Variants in CSMD1 observed in about 807,000 individuals in gnomAD.
CSMD1 encodes CUB and sushi domain-containing protein 1.
A neutral mutation model predicts 417.5 loss-of-function variants in CSMD1; 213 were observed. The ratio of observed to expected loss-of-function variants is 0.51; its 90% CI spans 0.46 to 0.57. The LOEUF (loss-of-function observed/expected upper bound fraction) is 0.57. Among genes scored for constraint, CSMD1 ranks in the 20% least tolerant of loss-of-function variants. CSMD1 has a pLI of 0.00. For synonymous variants in CSMD1, 2,862 were observed against 1,736.8 expected, an observed-to-expected ratio of 1.65 and a Z score of -16.11; for missense variants, 6,923 against 4,529.7, an observed-to-expected ratio of 1.53 and a Z score of -15.17.
intron 3 of CSMD1, among the ~76,000 whole-genome samples, chr8:4,407,141 C>G: frequency 6.6e-6 from 1 of 152,130 alleles, no homozygotes; most frequent in East Asian, 1.9e-4. Context: ...AGATGAGCTG[C>G]AAAGCCAAAA....
At chr8:3,083,808 C>T (rs935371103) in intron 49 of CSMD1, among the ~76,000 whole-genome samples, 1 of 150,996 alleles carries the variant, frequency 6.6e-6, no homozygotes, top group Non-Finnish European at 1.5e-5. Flanking sequence ...TACAGGTGCA[C>T]ACCACCACAT....
At chr8:4,814,202 G>A (rs1286859489) in intron 1 of CSMD1, among the ~76,000 whole-genome samples, 1 of 150,772 alleles carries the variant, frequency 6.6e-6, no homozygotes, top group Admixed American at 6.6e-5. Flanking sequence ...GATTTTGTGT[G>A]TGTGTGTGTG....
intron 5 of CSMD1, among the ~76,000 whole-genome samples, chr8:3,978,548 T>G (rs918898347): frequency 8.6e-5 from 13 of 151,960 alleles, no homozygotes; most frequent in Non-Finnish European, 1.9e-4. Context: ...TGGCAAAGGG[T>G]TTCAAAAATA....
chr8:4,128,296 G>A (rs78878206), intron 3 of CSMD1, among the ~76,000 whole-genome samples: 4,263 of 152,218 alleles, frequency 0.028, 206 homozygotes, highest in African/African-American at 0.096. Flanking sequence ...GAGAAGACTC[G>A]TGAATTACTA....
intron 5 of CSMD1, among the ~76,000 whole-genome samples, chr8:3,860,629 G>C (rs1332594522): frequency 6.6e-6 from 1 of 152,088 alleles, no homozygotes; most frequent in East Asian, 1.9e-4. Context: ...ATTAGTTACA[G>C]TCCATTAATT....
chr8:4,443,772 C>G (rs1798619345), intron 2 of CSMD1, among the ~76,000 whole-genome samples: 1 of 152,186 alleles, frequency 6.6e-6, no homozygotes, highest in African/African-American at 2.4e-5. Context: ...CACATTCTAT[C>G]TCTACCAAGT....
chr8:4,418,120 C>CT (rs1170882811), intron 3 of CSMD1, among the ~76,000 whole-genome samples: 2 of 151,862 alleles, frequency 1.3e-5, no homozygotes, highest in African/African-American at 2.4e-5. Flanking sequence ...AACAAAGCAC[C>CT]TTTTTGACAG....
rs76079510 is a variant in CSMD1, at chr8:3,725,236, C to T, written c.932-16745G>A. 5.9e-5 allele frequency among the ~76,000 whole-genome samples: 9 copies of T among 152,146 alleles called. No homozygotes were observed. The South Asian group carries it at 1.5e-3, about 25-fold the overall frequency. On this transcript the variant is annotated intron_variant, in intron 6 of 69. Coordinates refer to ENST00000635120, the MANE Select transcript of CSMD1 (RefSeq NM_033225.6). ...AAGAGATTAGTGTTGCTAGGAAGGC[C>T]CTCAAGGTGTGGGTTGAGAGGTAAC...
chr8:3,252,178 G>C (rs1585802297), intron 26 of CSMD1, among the ~76,000 whole-genome samples: 1 of 152,138 alleles, frequency 6.6e-6, no homozygotes, highest in South Asian at 2.1e-4. Context: ...TGCCCATTCA[G>C]TATGATATTG....
At chr8:2,959,285 T>G (rs964775270) in intron 62 of CSMD1, among the ~76,000 whole-genome samples, 18 of 152,148 alleles carry the variant, frequency 1.2e-4, no homozygotes, top group African/African-American at 3.1e-4. Context: ...TTGTATTCTT[T>G]GTAGAAATAG....
chr8:3,485,986 T>C (rs1170126485), intron 11 of CSMD1, among the ~76,000 whole-genome samples: 8 of 152,044 alleles, frequency 5.3e-5, no homozygotes, highest in Admixed American at 1.3e-4. Context: ...CAATGAGCGA[T>C]TAGGCAGCAT....
At chr8:3,546,988 T>G (rs1013492152) in intron 10 of CSMD1, among the ~76,000 whole-genome samples, 7 of 152,186 alleles carry the variant, frequency 4.6e-5, no homozygotes, top group African/African-American at 1.7e-4. Flanking sequence ...AGAGCAAAAC[T>G]GAACAGCGTC....
At chr8:3,770,116 G>A (rs1238289096) in intron 5 of CSMD1, among the ~76,000 whole-genome samples, 6 of 152,196 alleles carry the variant, frequency 3.9e-5, no homozygotes, top group Non-Finnish European at 8.8e-5. Flanking sequence ...GATTGGCACA[G>A]CTGTCTCCAG....
intron 10 of CSMD1, among the ~76,000 whole-genome samples, chr8:3,570,214 G>A (rs747025840): frequency 6.6e-6 from 1 of 152,212 alleles, no homozygotes; most frequent in Admixed American, 6.5e-5. Context: ...AAGATACTGT[G>A]ATTGGAATCA....
At chr8:3,669,137 A>C (rs780207462) in intron 7 of CSMD1, among the ~76,000 whole-genome samples, 16 of 152,220 alleles carry the variant, frequency 1.1e-4, no homozygotes, top group Non-Finnish European at 1.9e-4. Context: ...CCTCAAGGGC[A>C]GAATGGTTAA....
At chr8:4,511,585 T>A (rs2130346530) in intron 2 of CSMD1, among the ~76,000 whole-genome samples, 1 of 152,202 alleles carries the variant, frequency 6.6e-6, no homozygotes, top group South Asian at 2.1e-4. Flanking sequence ...CATAGGACAA[T>A]TTGCTGCTCC....
chr8:4,392,012 G>C (rs1803880638), intron 3 of CSMD1, among the ~76,000 whole-genome samples: 1 of 152,100 alleles, frequency 6.6e-6, no homozygotes. Flanking sequence ...TCCTAAACTT[G>C]TGAGTGGGTA....
chr8:4,296,559 G>C (rs1459522201), intron 3 of CSMD1, among the ~76,000 whole-genome samples: 1 of 151,970 alleles, frequency 6.6e-6, no homozygotes, highest in South Asian at 2.1e-4. Context: ...TAATTCAGAG[G>C]ATGGATGTAT....
intron 1 of CSMD1, among the ~76,000 whole-genome samples, chr8:4,837,127 C>G (rs1055364531): frequency 1.3e-5 from 2 of 151,810 alleles, no homozygotes; most frequent in East Asian, 1.9e-4. Context: ...TCTAATAGAT[C>G]CAAATAATGT....
Sources: allele counts gnomAD v4.1 joint callset (sites outside exome capture counted in the v4.1 genomes callset), GRCh38; gene constraint gnomAD v4.1.1; transcripts MANE v1.5; gene names NCBI Gene and HGNC (gene_info 2026-07-23, HGNC 2026-07-21).